Variants in TIMM22 observed in about 807,000 individuals in gnomAD.
The protein encoded by TIMM22 is mitochondrial import inner membrane translocase subunit Tim22.
A neutral mutation model predicts 18.3 loss-of-function variants in TIMM22; 12 were observed. The observed-to-expected ratio is 0.65, with a 90% CI of 0.42 to 1.06. The LOEUF is 1.06. Ranked by LOEUF, TIMM22 falls within the 50% of genes least tolerant of loss-of-function variation. The pLI is 0.00. For synonymous variants in TIMM22, 107 were observed against 98.5 expected, an observed-to-expected ratio of 1.09 and a Z score of -0.51; for missense variants, 278 against 252.8, an observed-to-expected ratio of 1.10 and a Z score of -0.68.
Position 1,002,724 on chromosome 17 carries a change from A to G in TIMM22, c.*1636A>G, listed in dbSNP as rs937594729. ...TACAAGCACTCTGAAGCAAGGGCAG[A>G]CATTCCCACCTGGTACCTGTCAAAG... On this transcript the variant is annotated 3_prime_UTR_variant, in exon 4 of 4. Coordinates refer to ENST00000327158, the MANE Select transcript of TIMM22 (RefSeq NM_013337.4). 3.9e-5 allele frequency: 6 copies of G among 152,332 alleles called. No homozygotes were observed. The highest frequency in any genetic ancestry group is 2.1e-4 in the South Asian group (1 of 4,824). The allele number at this position is 152,332 out of a possible 1,614,324, so 9.4% of individuals were successfully genotyped here.
intron 3 of TIMM22, 117 bp downstream of exon 3, chr17:999,701 A>C: frequency 9.8e-7 from 1 of 1,025,340 alleles, no homozygotes; most frequent in Non-Finnish European, 1.5e-6. Context: ...TCTGACAAAT[A>C]AATCATGTTT....
intron 2 of TIMM22, 128 bp from the exon 3 acceptor site, chr17:999,383 AT>A (rs2069720165): frequency 1.8e-6 from 1 of 542,462 alleles, no homozygotes; most frequent in Non-Finnish European, 3.2e-6. Context: ...TAGGAACTAT[AT>A]TTTCAAGAAA....
chr17:998,814 G>A lies in TIMM22; in HGVS notation c.274G>A (p.Ala92Thr), dbSNP rs142652142. Residue 92 changes from alanine (A) to threonine (T), a missense_variant, in exon 2 of 4, where the codon GCT (alanine) becomes ACT (threonine). Physicochemically the swap from Ala to Thr is moderately conservative, Grantham distance 58. Coordinates refer to ENST00000327158, the MANE Select transcript of TIMM22 (RefSeq NM_013337.4). The part of the protein sequence containing the change: ...VLGGAFGVFT[A>T]GIDTNVGFDP... Reference sequence around the variant, plus strand: ...AGGAGGTGCATTTGGGGTGTTTACCGCTGGCATCGATACCAACGTGGGCTT... The same window carrying A: ...AGGAGGTGCATTTGGGGTGTTTACCACTGGCATCGATACCAACGTGGGCTT... 66 of 1,613,796 alleles carry A rather than the reference G, an allele frequency of 4.1e-5. No homozygotes were observed. The highest frequency in any genetic ancestry group is 5.2e-5 in the Non-Finnish European group (61 of 1,179,910).
chr17:997,532 C>T (rs914607997), intron 1 of TIMM22, 152 bp downstream of exon 1: 3 of 743,628 alleles, frequency 4.0e-6, no homozygotes, highest in Non-Finnish European at 4.3e-6. Context: ...CGTCACCTCT[C>T]CTGCCCCCTC....
At chr17:997,437 C>T (rs1474162029) in intron 1 of TIMM22, 57 bp downstream of exon 1, 2 of 1,548,998 alleles carry the variant, frequency 1.3e-6, no homozygotes. Flanking sequence ...CAGTGGGGAT[C>T]TCTGCCGAGA....
At chr17:1,000,983 AG>A (rs1191686562) in intron 3 of TIMM22, 28 bp from the exon 4 acceptor site, 1 of 1,613,328 alleles carries the variant, frequency 6.2e-7, no homozygotes, top group Non-Finnish European at 8.5e-7. Flanking sequence ...CTGTCACCAC[AG>A]GTCATGTTCT....
chr17:999,352 T>TAC lies in TIMM22; in HGVS notation c.436-159_436-158insCA, dbSNP rs376431750. On this transcript the variant is annotated intron_variant, in intron 2 of 3. Transcript: ENST00000327158. The stretch of plus-strand genomic sequence containing the variant: ...ATATATATATATATATATATATATA[T>TAC]ATATATACACGCTGTATACTTAGGA... Among the ~76,000 whole-genome samples, 62 of 129,296 alleles carry TAC rather than the reference T, an allele frequency of 4.8e-4. 2 individuals are homozygous for TAC. Among genetic ancestry groups the TAC allele is most frequent in the African/African-American group, 2.0e-3 (61 of 30,216 alleles). The allele number at this position is 129,296 out of a possible 152,430, so 84.8% of individuals were successfully genotyped here.
rs764741097 is a variant in TIMM22, at chr17:997,158, C to T, written c.16C>T (p.Pro6Ser). 12 of 1,609,496 alleles carry T rather than the reference C, an allele frequency of 7.5e-6. No individual in the cohort carries two copies. Among genetic ancestry groups the T allele is most frequent in the South Asian group, 4.4e-5 (4 of 90,946 alleles). ...AGCGACTGTCATGGCGGCGGCCGCC[C>T]CCAATGCCGGAGGCTCGGCCCCTGA... MAAAA[P>S]NAGGSAPETA... The change falls in exon 1 of 4, where the codon CCC becomes TCC. Residue 6 changes from proline (P) to serine (S), a missense_variant. By Grantham distance (74) the Pro-to-Ser change is moderately conservative (BLOSUM62 -1). Coordinates refer to ENST00000327158, the MANE Select transcript of TIMM22 (RefSeq NM_013337.4).
chr17:999,056 C>A (rs1469356821), intron 2 of TIMM22, 81 bp downstream of exon 2: 4 of 1,446,514 alleles, frequency 2.8e-6, no homozygotes, highest in East Asian at 4.6e-5. Context: ...CTTTAAAAGT[C>A]ATTTGAAAGT....
intron 3 of TIMM22, among the ~76,000 whole-genome samples, chr17:1,000,329 CAAAAAA>C (rs59329011): frequency 1.5e-5 from 2 of 137,748 alleles, no homozygotes; most frequent in Non-Finnish European, 3.2e-5. Context: ...TTATCAGCTG[CAAAAAA>C]AAAAAAAAAA....
At chr17:999,487 C>T in intron 2 of TIMM22, 25 bp from the exon 3 acceptor site, 1 of 1,612,136 alleles carries the variant, frequency 6.2e-7, no homozygotes, top group Non-Finnish European at 8.5e-7. Context: ...TTCTTTGGCT[C>T]TAACGTGTAC....
rs762878830 is a variant in TIMM22, at chr17:997,147, C to A, written c.5C>A (p.Ala2Glu). 2 of 1,608,344 alleles carry A rather than the reference C, an allele frequency of 1.2e-6. No homozygotes were observed. Among genetic ancestry groups the A allele is most frequent in the South Asian group, 2.2e-5 (2 of 90,900 alleles). ...GTTGCTTGGGCAGCGACTGTCATGGCGGCGGCCGCCCCCAATGCCGGAGGC... is the reference window on the plus strand; with the variant it reads ...GTTGCTTGGGCAGCGACTGTCATGGAGGCGGCCGCCCCCAATGCCGGAGGC... M[A>E]AAAPNAGGSA... Residue 2 changes from alanine (A) to glutamate (E), a missense_variant, in exon 1 of 4, where the codon GCG becomes GAG. Coordinates refer to ENST00000327158, the MANE Select transcript of TIMM22 (RefSeq NM_013337.4).
Position 1,001,002 on chromosome 17 carries a change from T to G in TIMM22, c.509-10T>G. On this transcript the variant is annotated splice_polypyrimidine_tract_variant and intron_variant, in intron 3 of 3. Transcript: ENST00000327158. The stretch of plus-strand genomic sequence containing the variant: ...CACCACAGGTCATGTTCTTTCTGTT[T>G]GTTTGACAGCTGGCTTAAAGGCTGG... 1.9e-6 allele frequency: 3 copies of G among 1,613,992 alleles called. No individual in the cohort carries two copies. Among genetic ancestry groups the G allele is most frequent in the Non-Finnish European group, 2.5e-6 (3 of 1,179,906 alleles).
chr17:1,001,941 C>G lies in TIMM22; in HGVS notation c.*853C>G, dbSNP rs2069756413. The G allele has an allele frequency of 6.6e-6, 1 of 152,284 alleles. No individual in the cohort carries two copies. Among genetic ancestry groups the G allele is most frequent in the Middle Eastern group, 3.4e-3 (1 of 294 alleles). 9.4% of individuals were successfully genotyped at this position (152,284 alleles called of 1,614,324 possible). ...TGCCTTCACGACGTGACTGCTGGAC[C>G]TGGCCGAGCTTGAGGCCACATGTGA... On this transcript the variant is annotated 3_prime_UTR_variant, in exon 4 of 4. Coordinates refer to ENST00000327158, the MANE Select transcript of TIMM22 (RefSeq NM_013337.4).
chr17:1,001,195 T>A lies in TIMM22; in HGVS notation c.*107T>A. 1.7e-6 allele frequency: 2 copies of A among 1,203,890 alleles called. No homozygotes were observed. Among genetic ancestry groups the A allele is most frequent in the Non-Finnish European group, 2.4e-6 (2 of 824,132 alleles). 74.6% of individuals were successfully genotyped at this position (1,203,890 alleles called of 1,614,324 possible). ...GCCTTGCTTCAGGGCCTGAAGACATTCATTTTCCCTCATGTCGTTGGTATT... is the reference window on the plus strand; with the variant it reads ...GCCTTGCTTCAGGGCCTGAAGACATACATTTTCCCTCATGTCGTTGGTATT... On this transcript the variant is annotated 3_prime_UTR_variant, in exon 4 of 4. Coordinates refer to ENST00000327158, the MANE Select transcript of TIMM22 (RefSeq NM_013337.4).
rs912747797 is a variant in TIMM22, at chr17:1,001,268, C to T, written c.*180C>T. 1 of 601,670 alleles carries T rather than the reference C, an allele frequency of 1.7e-6. No individual in the cohort carries two copies. Among genetic ancestry groups the T allele is most frequent in the Non-Finnish European group, 2.9e-6 (1 of 344,760 alleles). The allele number at this position is 601,670 out of a possible 1,614,324, so 37.3% of individuals were successfully genotyped here. A position where few individuals can be genotyped will look rare whatever the true frequency, so the allele number is the denominator to read the frequency against. ...CTGCCTCCAGCCTTTGGGGTAGCCACACTTTGCTGCTCCTGGACTCCAGCC... is the reference window on the plus strand; with the variant it reads ...CTGCCTCCAGCCTTTGGGGTAGCCATACTTTGCTGCTCCTGGACTCCAGCC... On this transcript the variant is annotated 3_prime_UTR_variant, in exon 4 of 4. Transcript: ENST00000327158.
Position 997,218 on chromosome 17 carries a change from A to T in TIMM22, c.76A>T (p.Ser26Cys). The T allele has an allele frequency of 6.2e-7, 1 of 1,613,108 alleles. No individual in the cohort carries two copies. Among genetic ancestry groups the T allele is most frequent in the South Asian group, 1.1e-5 (1 of 91,084 alleles). ...TTCCGCCGAAGCTCCGCTGCAGTAC[A>T]GCCTGCTCCTGCAGTACCTGGTGGG... is the stretch of plus-strand genomic sequence containing the variant. The part of the protein sequence containing the change: ...AGSAEAPLQY[S>C]LLLQYLVGDK... The change falls in exon 1 of 4, where the codon AGC becomes TGC. Residue 26 changes from serine (S) to cysteine (C), a missense_variant. Transcript: ENST00000327158.
At chr17:998,662 A>AG in intron 1 of TIMM22, 117 bp from the exon 2 acceptor site, 1 of 1,019,784 alleles carries the variant, frequency 9.8e-7, no homozygotes, top group East Asian at 2.6e-5. Flanking sequence ...GAGTGGCAAG[A>AG]GGGGGGTGTC....
intron 2 of TIMM22, among the ~76,000 whole-genome samples, 154 bp from the exon 3 acceptor site, chr17:999,358 T>TATATATATATATATATACAC (rs1408779709): frequency 9.8e-5 from 13 of 132,592 alleles, no homozygotes; most frequent in African/African-American, 3.8e-4. Context: ...TATATATATA[T>TATATATATATATATATACAC]ACACGCTGTA....
Sources: allele counts gnomAD v4.1 joint callset (sites outside exome capture counted in the v4.1 genomes callset), GRCh38; gene constraint gnomAD v4.1.1; transcripts MANE v1.5; gene names NCBI Gene and HGNC (gene_info 2026-07-23, HGNC 2026-07-21).